LAMB4: variants seen among roughly 807,000 people sequenced by gnomAD.
LAMB4 encodes laminin subunit beta 4.
In LAMB4, 196 loss-of-function variants were observed where a neutral mutation model predicts 199.2. The ratio of observed to expected loss-of-function variants is 0.98; its 90% CI spans 0.88 to 1.11. LAMB4 has a LOEUF of 1.11. Ranked by LOEUF, LAMB4 falls within the 50% of genes least tolerant of loss-of-function variation. LAMB4 has a pLI of 0.00. For missense variants in LAMB4, 2,080 were observed against 2,171.2 expected (o/e 0.96, Z 0.83); for synonymous variants, 744 against 770.6 (o/e 0.97, Z 0.57).
intron 2 of LAMB4, among the ~76,000 whole-genome samples, chr7:108,122,390 T>C (rs2038631690): frequency 6.6e-6 from 1 of 152,132 alleles, no homozygotes; most frequent in South Asian, 2.1e-4. Context: ...GTGGCTCACC[T>C]CTCCAAGGCA....
At chr7:108,088,226 G>A (rs1157691305) in intron 14 of LAMB4, among the ~76,000 whole-genome samples, 7 of 151,346 alleles carry the variant, frequency 4.6e-5, no homozygotes, top group Non-Finnish European at 7.4e-5. Flanking sequence ...GCAATAGCAC[G>A]ATCTCAGCTC....
intron 14 of LAMB4, among the ~76,000 whole-genome samples, chr7:108,090,464 G>A (rs2037354873): frequency 6.6e-6 from 1 of 152,006 alleles, no homozygotes; most frequent in South Asian, 2.1e-4. Flanking sequence ...AGCCATGGAG[G>A]GAGTAGTAAG....
At chr7:108,033,296 G>C (rs2035105622) in intron 31 of LAMB4, among the ~76,000 whole-genome samples, 1 of 152,154 alleles carries the variant, frequency 6.6e-6, no homozygotes, top group Non-Finnish European at 1.5e-5. Flanking sequence ...CTTGTTCTAA[G>C]TATATGCCTA....
At position 108,079,738 on chromosome 7, in the gene LAMB4, C is replaced by G; in HGVS notation, c.1750G>C (p.Glu584Gln). 6.2e-7 allele frequency: 1 copy of G among 1,609,590 alleles called. No individual in the cohort carries two copies. Among genetic ancestry groups the G allele is most frequent in the African/African-American group, 1.3e-5 (1 of 74,858 alleles). ...QSPAVHVVLG[E>Q]PVPGNPVTWT... ...GTAACAGGGTTCCCAGGAACTGGCT[C>G]TCCTAAAACAACGTGAACAGCAGGA... Residue 584 changes from glutamate to glutamine, a missense_variant, in exon 15 of 34, where the codon GAG becomes CAG. By Grantham distance (29) the Glu-to-Gln change is conservative. Coordinates refer to ENST00000388781, the MANE Select transcript of LAMB4 (RefSeq NM_007356.3).
intron 31 of LAMB4, among the ~76,000 whole-genome samples, chr7:108,033,148 T>A (rs973893081): frequency 2.0e-5 from 3 of 152,182 alleles, no homozygotes; most frequent in African/African-American, 4.8e-5. Flanking sequence ...ACCTGCAAAC[T>A]TTTTCTGTAA....
At chr7:108,092,712 C>T (rs566464752) in intron 12 of LAMB4, among the ~76,000 whole-genome samples, 11 of 152,062 alleles carry the variant, frequency 7.2e-5, no homozygotes, top group Non-Finnish European at 1.6e-4. Context: ...CTGAGACCAG[C>T]CTGGCCAACC....
intron 29 of LAMB4, 120 bp downstream of exon 29, chr7:108,043,632 T>A: frequency 7.6e-6 from 2 of 261,720 alleles, no homozygotes; most frequent in Non-Finnish European, 6.9e-6. Context: ...CAGGCTGGAG[T>A]GCAGTGGCGC....
chr7:108,124,109 G>T (rs956257116), intron 1 of LAMB4, among the ~76,000 whole-genome samples: 2 of 152,094 alleles, frequency 1.3e-5, no homozygotes, highest in African/African-American at 4.8e-5. Context: ...CAGCCTCCTG[G>T]ATTCAAGCTG....
In LAMB4 at chr7:108,066,059, C is replaced by G. The variant is rs975184144; in HGVS notation, c.2679-140G>C. The G allele has an allele frequency of 3.5e-6, 3 of 855,532 alleles. No individual in the cohort carries two copies. In the African/African-American group the frequency reaches 5.8e-5, roughly 16 times the overall value. 53.0% of individuals were successfully genotyped at this position (855,532 alleles called of 1,614,324 possible). ...GATGTTCATTTGCTCTGCAAAACGA[C>G]TTTTGGTTTTTATATCAAAAGTCTC... On this transcript the variant is annotated intron_variant, in intron 20 of 33. Coordinates refer to ENST00000388781, the MANE Select transcript of LAMB4 (RefSeq NM_007356.3).
chr7:108,037,348 G>T lies in LAMB4; in HGVS notation c.4679+40C>A, dbSNP rs1215141847. 4 of 1,463,476 alleles carry T rather than the reference G, an allele frequency of 2.7e-6. No individual in the cohort carries two copies. The African/African-American group carries it at 4.2e-5, about 15-fold the overall frequency. 90.7% of individuals were successfully genotyped at this position (1,463,476 alleles called of 1,614,324 possible). ...TTTCCTGATGTCCTTTCAGCAGATG[G>T]TCTGTTAGAGCAAGATAAGAATATT... On this transcript the variant is annotated intron_variant, in intron 30 of 33. Coordinates refer to ENST00000388781, the MANE Select transcript of LAMB4 (RefSeq NM_007356.3).
intron 14 of LAMB4, among the ~76,000 whole-genome samples, chr7:108,083,088 C>T (rs190201857): frequency 2.3e-4 from 35 of 152,272 alleles, no homozygotes; most frequent in African/African-American, 7.0e-4. Context: ...AAAGGAACAT[C>T]GTCAATCCTT....
chr7:108,068,736 C>A (rs2036430734), intron 18 of LAMB4, among the ~76,000 whole-genome samples: 1 of 152,128 alleles, frequency 6.6e-6, no homozygotes, highest in South Asian at 2.1e-4. Context: ...TTCTATGGCC[C>A]AGGCTGGAGT....
the LAMB4 span, among the ~76,000 whole-genome samples, chr7:108,014,109 C>A: frequency 6.8e-6 from 1 of 146,410 alleles, no homozygotes; most frequent in Non-Finnish European, 1.5e-5. Flanking sequence ...TGTTCTAATA[C>A]AATATTCCAA....
intron 26 of LAMB4, among the ~76,000 whole-genome samples, chr7:108,050,496 A>G (rs146062260): frequency 2.5e-3 from 377 of 152,332 alleles, no homozygotes; most frequent in African/African-American, 8.8e-3. Flanking sequence ...TTGCATTATT[A>G]ATACAAATTT....
At chr7:108,047,758 G>T in intron 28 of LAMB4, 150 bp downstream of exon 28, 1 of 648,288 alleles carries the variant, frequency 1.5e-6, no homozygotes, top group Non-Finnish European at 2.7e-6. Flanking sequence ...CATATCATCT[G>T]TAATTTTATC....
chr7:108,045,166 A>AC (rs1205868868), intron 28 of LAMB4, among the ~76,000 whole-genome samples: 3 of 152,096 alleles, frequency 2.0e-5, no homozygotes, highest in Non-Finnish European at 4.4e-5. Context: ...ATTCTCTAGA[A>AC]CTTTCTTAGC....
chr7:108,109,597 A>G (rs943452842), intron 4 of LAMB4, among the ~76,000 whole-genome samples: 2 of 152,210 alleles, frequency 1.3e-5, no homozygotes, highest in Non-Finnish European at 2.9e-5. Flanking sequence ...CTACACATAA[A>G]CATGAGCTAG....
chr7:108,115,933 C>T, intron 3 of LAMB4, 71 bp downstream of exon 3: 1 of 1,502,058 alleles, frequency 6.7e-7, no homozygotes, highest in South Asian at 1.2e-5. Context: ...TGAGTAGCCC[C>T]AGGTGTACCT....
chr7:108,017,815 G>A, the LAMB4 span, among the ~76,000 whole-genome samples: 1 of 152,328 alleles, frequency 6.6e-6, no homozygotes, highest in East Asian at 1.9e-4. Context: ...GGTCTTGAAG[G>A]ATTCCTGTAA....
Sources: allele counts gnomAD v4.1 joint callset (sites outside exome capture counted in the v4.1 genomes callset), GRCh38; gene constraint gnomAD v4.1.1; transcripts MANE v1.5; gene names NCBI Gene and HGNC (gene_info 2026-07-23, HGNC 2026-07-21).